Variants in IGSF22 observed in about 807,000 individuals in gnomAD.
IGSF22 encodes immunoglobulin superfamily, member 22.
A neutral mutation model predicts 127.0 loss-of-function variants in IGSF22; 119 were observed. The ratio of observed to expected loss-of-function variants is 0.94; its 90% CI spans 0.81 to 1.09. The LOEUF is 1.09. Among genes scored for constraint, IGSF22 ranks in the 50% least tolerant of loss-of-function variants. The pLI is 0.00. For synonymous variants in IGSF22, 568 were observed against 664.7 expected (o/e 0.85, Z 2.24); for missense variants, 1,518 against 1,716.6 (o/e 0.88, Z 2.04).
In IGSF22 at chr11:18,720,064, C is replaced by T. The variant is rs368227153; in HGVS notation, c.518G>A (p.Arg173Lys). 1 of 1,613,980 alleles carries T rather than the reference C, an allele frequency of 6.2e-7. No homozygotes were observed. Among genetic ancestry groups the T allele is most frequent in the Non-Finnish European group, 8.5e-7 (1 of 1,180,034 alleles). ...KMDFKKMLKK[R>K]APPAPKKKQK... ...GGGCAGAAGGACCTGCCAGCCTCACCTCTTCTTCAGCATCTTTTTGAAGTC... is the reference window on the plus strand; with the variant it reads ...GGGCAGAAGGACCTGCCAGCCTCACTTCTTCTTCAGCATCTTTTTGAAGTC... Residue 173 changes from arginine to lysine, a missense_variant and splice_region_variant, in exon 6 of 23, where the codon AGG becomes AAG. Coordinates refer to ENST00000513874, the MANE Select transcript of IGSF22 (RefSeq NM_173588.4).
At chr11:18,719,163 G>A (rs1848516306) in intron 7 of IGSF22, among the ~76,000 whole-genome samples, 1 of 152,168 alleles carries the variant, frequency 6.6e-6, no homozygotes, top group African/African-American at 2.4e-5. Flanking sequence ...TGTTTGTTTT[G>A]AGACGGAGTC....
intron 2 of IGSF22, 102 bp from the exon 3 acceptor site, chr11:18,722,143 A>G: frequency 7.1e-7 from 1 of 1,412,426 alleles, no homozygotes; most frequent in South Asian, 1.2e-5. Context: ...ATGGGAACAA[A>G]GAGCATTTAG....
intron 8 of IGSF22, 53 bp downstream of exon 8, chr11:18,718,562 G>T (rs1366196424): frequency 1.0e-6 from 1 of 953,130 alleles, no homozygotes; most frequent in Admixed American, 1.7e-5. Flanking sequence ...TGAGAGAAGG[G>T]GGTAGAGAGG....
rs1269726944 is a variant in IGSF22 at position 18,706,050 on chromosome 11, C to T, written c.3677G>A (p.Arg1226His). The T allele has an allele frequency of 6.4e-7, 1 of 1,551,338 alleles. No homozygotes were observed. The highest frequency in any genetic ancestry group is 8.7e-7 in the Non-Finnish European group (1 of 1,146,946). Residue 1226 changes from arginine to histidine, a missense_variant, in exon 22 of 23, where the codon CGC becomes CAC. Around this residue, in one of 3 missense-constraint regions of IGSF22, gnomAD observed 1,456 missense variants for 1,644.9 expected, o/e 0.89. Coordinates refer to ENST00000513874, the MANE Select transcript of IGSF22 (RefSeq NM_173588.4). ...VTPLKPHTVL[R>H]GQDCTMTCAF... ...GCAGGTCATGGTGCAGTCCTGGCCG[C>T]GGAGCACCGTGTGTGGCTTGAGGGG...
intron 9 of IGSF22, among the ~76,000 whole-genome samples, chr11:18,717,434 T>G (rs200890307): frequency 1.3e-5 from 2 of 148,268 alleles, no homozygotes; most frequent in East Asian, 4.0e-4. Context: ...TCTTTTTTTT[T>G]AACTTATTTT....
chr11:18,718,245 G>T, intron 8 of IGSF22, 152 bp from the exon 9 acceptor site: 1 of 739,114 alleles, frequency 1.4e-6, no homozygotes, highest in Non-Finnish European at 2.2e-6. Context: ...TCATCATCTG[G>T]TTTGGTGGGA....
chr11:18,724,217 C>G lies in IGSF22; in HGVS notation c.20G>C (p.Arg7Pro). Residue 7 changes from arginine to proline, a missense_variant, in exon 2 of 23, where the codon CGG becomes CCG. Arg to Pro is a moderately radical substitution (Grantham distance 103). Transcript: ENST00000513874. Reference sequence around the variant, plus strand: ...GGACACGTGCTCCTGCAGCATCTGCCGGCTGTGAATGGTTGTCATGGTGAC... The same window carrying G: ...GGACACGTGCTCCTGCAGCATCTGCGGGCTGTGAATGGTTGTCATGGTGAC... MTTIHS[R>P]QMLQEHVSME... 6.2e-7 allele frequency: 1 copy of G among 1,613,732 alleles called. No individual in the cohort carries two copies. Among genetic ancestry groups the G allele is most frequent in the Non-Finnish European group, 8.5e-7 (1 of 1,179,704 alleles).
Position 18,714,063 on chromosome 11 carries a change from C to T in IGSF22, c.1884G>A (p.Lys628=), listed in dbSNP as rs764722880. ...GCAGTGGTTTTCCCCGGAAGGGGACCTTGATGTGGGCCGTGTGGCCTACCT... is the reference window on the plus strand; with the variant it reads ...GCAGTGGTTTTCCCCGGAAGGGGACTTTGATGTGGGCCGTGTGGCCTACCT... ...TVKVGHTAHI[K]VPFRGKPLPK... The change falls in exon 14 of 23, where the codon AAG becomes AAA. Residue 628 remains lysine (K), a synonymous_variant. Coordinates refer to ENST00000513874, the MANE Select transcript of IGSF22 (RefSeq NM_173588.4). 1.8e-5 allele frequency: 29 copies of T among 1,614,270 alleles called. No homozygotes were observed. The Middle Eastern group carries it at 8.2e-4, about 46-fold the overall frequency.
In IGSF22 at chr11:18,716,195, C is replaced by T. The variant is rs921046010; in HGVS notation, c.1247-479G>A. On this transcript the variant is annotated intron_variant, in intron 10 of 22. Transcript: ENST00000513874. This position sits in a 1 kb window ranked among gnomAD's most constrained non-coding sequence, Gnocchi z 4.5. The stretch of plus-strand genomic sequence containing the variant: ...ACTCCTTTTAGTTCTTGGTAAAGCT[C>T]GGACATCATTTCATTATATCATTTC... 3.3e-5 allele frequency among the ~76,000 whole-genome samples: 5 copies of T among 152,154 alleles called. No individual in the cohort carries two copies. Among genetic ancestry groups the T allele is most frequent in the South Asian group, 2.1e-4 (1 of 4,828 alleles).
At chr11:18,722,955 A>G (rs1016059736) in intron 2 of IGSF22, among the ~76,000 whole-genome samples, 4 of 152,236 alleles carry the variant, frequency 2.6e-5, no homozygotes, top group African/African-American at 4.8e-5. Flanking sequence ...TTAAACAAAA[A>G]AGTAGCCCTA....
intron 9 of IGSF22, 80 bp downstream of exon 9, chr11:18,717,851 C>T: frequency 4.0e-6 from 6 of 1,484,266 alleles, no homozygotes; most frequent in Non-Finnish European, 5.6e-6. Flanking sequence ...CTTCAATATC[C>T]CCATGGATCC....
chr11:18,720,054 C>A lies in IGSF22; in HGVS notation c.518+10G>T, dbSNP rs758374685. On this transcript the variant is annotated intron_variant, in intron 6 of 22. Coordinates refer to ENST00000513874, the MANE Select transcript of IGSF22 (RefSeq NM_173588.4). ...ACAATATCTTGGGCAGAAGGACCTG[C>A]CAGCCTCACCTCTTCTTCAGCATCT... is the stretch of plus-strand genomic sequence containing the variant. 6.2e-7 allele frequency: 1 copy of A among 1,613,952 alleles called. No individual in the cohort carries two copies. The highest frequency in any genetic ancestry group is 1.7e-5 in the Admixed American group (1 of 60,020).
At chr11:18,710,522 C>T (rs2134160208) in intron 16 of IGSF22, 67 bp from the exon 17 acceptor site, 4 of 1,601,476 alleles carry the variant, frequency 2.5e-6, no homozygotes, top group Middle Eastern at 1.9e-4. Context: ...GAGTGAGAGA[C>T]ATAGAAGAGG....
intron 4 of IGSF22, among the ~76,000 whole-genome samples, chr11:18,720,720 C>T (rs893642584): frequency 6.6e-6 from 1 of 152,218 alleles, no homozygotes; most frequent in African/African-American, 2.4e-5. Context: ...TTGCAGAAGC[C>T]TGCTAGGCTC....
intron 2 of IGSF22, among the ~76,000 whole-genome samples, chr11:18,722,869 T>TA (rs1229487778): frequency 1.3e-5 from 2 of 152,232 alleles, no homozygotes; most frequent in Non-Finnish European, 2.9e-5. Context: ...TTTTAAATAC[T>TA]AACAAGAGGT....
chr11:18,704,625 C>T (rs1848187331), intron 22 of IGSF22, 87 bp from the exon 23 acceptor site: 1 of 850,584 alleles, frequency 1.2e-6, no homozygotes. Flanking sequence ...TGCAGGAAAC[C>T]AGGAGCTGGA....
Position 18,719,856 on chromosome 11 carries a change from C to T in IGSF22, c.556G>A (p.Ala186Thr). ...PAPKKKQKKVANEKEMLEILS... is the reference protein window; with the variant it reads ...PAPKKKQKKVTNEKEMLEILS... ...ATCTCCAGCATCTCTTTCTCATTTGCCACCTTCTTCTGCTTCTTCTTGGGA... is the reference window on the plus strand; with the variant it reads ...ATCTCCAGCATCTCTTTCTCATTTGTCACCTTCTTCTGCTTCTTCTTGGGA... Residue 186 changes from alanine to threonine, a missense_variant, in exon 7 of 23, where the codon GCA becomes ACA. Physicochemically the swap from Ala to Thr is moderately conservative, Grantham distance 58. Around this residue, in one of 3 missense-constraint regions of IGSF22, gnomAD observed 1,456 missense variants for 1,644.9 expected, o/e 0.89. Transcript: ENST00000513874. The T allele has an allele frequency of 6.2e-7, 1 of 1,614,154 alleles. No individual in the cohort carries two copies. Among genetic ancestry groups the T allele is most frequent in the South Asian group, 1.1e-5 (1 of 91,084 alleles).
At position 18,719,734 on chromosome 11, in the gene IGSF22, C is replaced by G; in HGVS notation, c.678G>C (p.Lys226Asn). 1 of 1,614,168 alleles carries G rather than the reference C, an allele frequency of 6.2e-7. No homozygotes were observed. Among genetic ancestry groups the G allele is most frequent in the Non-Finnish European group, 8.5e-7 (1 of 1,180,026 alleles). The change falls in exon 7 of 23, where the codon AAG (lysine) becomes AAC (asparagine). Residue 226 changes from lysine to asparagine, a missense_variant. By Grantham distance (94) the Lys-to-Asn change is moderately conservative. Transcript: ENST00000513874. The stretch of plus-strand genomic sequence containing the variant: ...TACTTACCTCCACCTCTACTTTCTT[C>G]TTCATCTCTTTGAGCTTCCTGAGCA... ...RGLLRKLKEM[K>N]KKVEVEAIRI...
At chr11:18,718,136 G>A (rs1848497087) in intron 8 of IGSF22, 43 bp from the exon 9 acceptor site, 2 of 1,595,126 alleles carry the variant, frequency 1.3e-6, no homozygotes, top group Non-Finnish European at 1.7e-6. Flanking sequence ...AGGGCTTTAG[G>A]AGGAAGCTTC....
Sources: allele counts gnomAD v4.1 joint callset (sites outside exome capture counted in the v4.1 genomes callset), GRCh38; gene constraint gnomAD v4.1.1; regional missense constraint gnomAD v4.1.1; non-coding constraint Gnocchi (gnomAD v3.1); transcripts MANE v1.5; gene names NCBI Gene and HGNC (gene_info 2026-07-23, HGNC 2026-07-21).